Variants in MORN1 observed in about 807,000 individuals in gnomAD.
MORN1 encodes MORN repeat-containing protein 1.
In MORN1, 67 loss-of-function variants were observed where a neutral mutation model predicts 61.9. The observed-to-expected ratio is 1.08, with a 90% confidence interval of 0.89 to 1.33. MORN1 has a LOEUF of 1.33. Ranked by LOEUF, MORN1 falls within the 40% of genes most tolerant of loss-of-function variation. MORN1 has a pLI of 0.00. For synonymous variants in MORN1, 301 were observed against 292.0 expected (o/e 1.03, Z -0.31); for missense variants, 752 against 691.2 (o/e 1.09, Z -0.99).
At chr1:2,368,248 G>A (rs1489984789) in intron 8 of MORN1, among the ~76,000 whole-genome samples, 4 of 152,250 alleles carry the variant, frequency 2.6e-5, no homozygotes, top group Admixed American at 6.5e-5. Context: ...TCTTGGCTTT[G>A]GCCAGGGAAG....
intron 10 of MORN1, among the ~76,000 whole-genome samples, chr1:2,346,825 C>T (rs747936663): frequency 5.9e-5 from 9 of 152,328 alleles, no homozygotes; most frequent in East Asian, 3.9e-4. Flanking sequence ...AGGCTCCTGC[C>T]GGTCACCCCT....
chr1:2,366,555 G>C (rs10910059), intron 8 of MORN1, among the ~76,000 whole-genome samples: 48,055 of 151,894 alleles, frequency 0.32, 8,151 homozygotes, highest in South Asian at 0.45. Flanking sequence ...ACAGGATCTT[G>C]CTCTGTCACC....
Position 2,324,077 on chromosome 1 carries a change from C to T in MORN1, c.1297+20G>A, listed in dbSNP as rs1417100602. 1.3e-6 allele frequency: 2 copies of T among 1,589,852 alleles called. No homozygotes were observed. Among genetic ancestry groups the T allele is most frequent in the African/African-American group, 1.3e-5 (1 of 74,566 alleles). On this transcript the variant is annotated intron_variant, in intron 13 of 13. Coordinates refer to ENST00000378531, the MANE Select transcript of MORN1 (RefSeq NM_024848.3). ...AGACAGTGGCACAGCCGGCGATGGA[C>T]TTGGGCCCTGTCCACCTACCTAGGT...
rs372856785 is a variant in MORN1 at position 2,385,898 on chromosome 1, C to T, written c.359-1G>A. On this transcript the variant is annotated splice_acceptor_variant, in intron 4 of 13. Coordinates refer to ENST00000378531, the MANE Select transcript of MORN1 (RefSeq NM_024848.3). LOFTEE classifies it high-confidence loss of function. ...TCCCGGTCCACCAGAAACCCGTGTC[C>T]TGGAGAAGGGACCGAGAGACAGACT... 3.7e-6 allele frequency: 6 copies of T among 1,613,714 alleles called. No individual in the cohort carries two copies. Among genetic ancestry groups the T allele is most frequent in the Non-Finnish European group, 5.1e-6 (6 of 1,179,930 alleles).
chr1:2,321,292 G>A lies in MORN1; in HGVS notation c.*91C>T. 1.0e-6 allele frequency: 1 copy of A among 1,001,544 alleles called. No homozygotes were observed. Among genetic ancestry groups the A allele is most frequent in the Non-Finnish European group, 1.4e-6 (1 of 711,814 alleles). The allele number at this position is 1,001,544 out of a possible 1,614,324, so 62.0% of individuals were successfully genotyped here. On this transcript the variant is annotated 3_prime_UTR_variant, in exon 14 of 14. Coordinates refer to ENST00000378531, the MANE Select transcript of MORN1 (RefSeq NM_024848.3). ...CATTTTATTCAAGCCAGCAACCACGGGGCTCTGGAGAATCGGGGAGCAGAG... is the reference window on the plus strand; with the variant it reads ...CATTTTATTCAAGCCAGCAACCACGAGGCTCTGGAGAATCGGGGAGCAGAG...
intron 4 of MORN1, 21 bp downstream of exon 4, chr1:2,387,398 C>T (rs373991232): frequency 2.5e-5 from 39 of 1,586,216 alleles, no homozygotes; most frequent in African/African-American, 5.4e-5. Flanking sequence ...TCACAGCACC[C>T]GGCTCCTGTG....
rs1390371516 is a variant in MORN1 at position 2,357,446 on chromosome 1, G to A, written c.1022C>T (p.Pro341Leu). The A allele has an allele frequency of 6.2e-7, 1 of 1,607,972 alleles. No homozygotes were observed. ...LGALHGQEDT[P>L]GGLLARGHAP... ...GCTCCACTTACCAAGCAGGCCACCA[G>A]GGGTGTCCTCCTGGCCATGGAGGGC... Residue 341 changes from proline (P) to leucine (L), a missense_variant, in exon 10 of 14, where the codon CCT (proline) becomes CTT (leucine). Transcript: ENST00000378531. This position sits in a 1 kb window ranked among gnomAD's most constrained non-coding sequence, Gnocchi z 6.3.
rs983966329 is a variant in MORN1, at chr1:2,337,755, A to G, written c.1037-905T>C. Among the ~76,000 whole-genome samples the G allele has an allele frequency of 1.3e-5, 2 of 152,160 alleles. No homozygotes were observed. Among genetic ancestry groups the G allele is most frequent in the African/African-American group, 4.8e-5 (2 of 41,434 alleles). On this transcript the variant is annotated intron_variant, in intron 10 of 13. Coordinates refer to ENST00000378531, the MANE Select transcript of MORN1 (RefSeq NM_024848.3). The surrounding 1 kb of genome is among the most constrained non-coding windows in gnomAD (Gnocchi z 5.7). Reference sequence around the variant, plus strand: ...ACCACTGGGAGGAGGTGCTAGCAGGAGGCCACGGGATGTGGTGAGGGCTGG... The same window carrying G: ...ACCACTGGGAGGAGGTGCTAGCAGGGGGCCACGGGATGTGGTGAGGGCTGG...
At chr1:2,367,459 A>G (rs1185644219) in intron 8 of MORN1, among the ~76,000 whole-genome samples, 1 of 151,744 alleles carries the variant, frequency 6.6e-6, no homozygotes, top group Non-Finnish European at 1.5e-5. Flanking sequence ...GTCTCTACAA[A>G]AAAAAAAATT....
Position 2,357,307 on chromosome 1 carries a change from A to G in MORN1, c.1036+125T>C, listed in dbSNP as rs1048469952. On this transcript the variant is annotated intron_variant, in intron 10 of 13. Transcript: ENST00000378531. This position sits in a 1 kb window ranked among gnomAD's most constrained non-coding sequence, Gnocchi z 6.3. ...CCCTGCCTCCTTTCACCCACGCGTGATGACTGACCCTGGGTGCGGCTTGCT... is the reference window on the plus strand; with the variant it reads ...CCCTGCCTCCTTTCACCCACGCGTGGTGACTGACCCTGGGTGCGGCTTGCT... 5.6e-5 allele frequency: 59 copies of G among 1,062,136 alleles called. No individual in the cohort carries two copies. Among genetic ancestry groups the G allele is most frequent in the Non-Finnish European group, 7.5e-5 (56 of 743,008 alleles). The allele number at this position is 1,062,136 out of a possible 1,614,324, so 65.8% of individuals were successfully genotyped here.
chr1:2,323,509 T>C, intron 13 of MORN1: 6 of 985,362 alleles, frequency 6.1e-6, no homozygotes, highest in Non-Finnish European at 7.2e-6. Context: ...TTTGTGTAGC[T>C]GAGGTGCCCT....
chr1:2,339,149 C>T (rs890282754), intron 10 of MORN1, among the ~76,000 whole-genome samples: 2 of 152,102 alleles, frequency 1.3e-5, no homozygotes, highest in Admixed American at 6.5e-5. Flanking sequence ...GCGAGAGAAA[C>T]GAGAAATGGT....
Position 2,336,030 on chromosome 1 carries a change from G to C in MORN1, c.1250+439C>G, listed in dbSNP as rs141424068. Among the ~76,000 whole-genome samples, 1,012 of 152,224 alleles carry C rather than the reference G, an allele frequency of 6.6e-3. 13 individuals are homozygous for C. Among genetic ancestry groups the C allele is most frequent in the African/African-American group, 0.023 (957 of 41,520 alleles). On this transcript the variant is annotated intron_variant, in intron 12 of 13. Coordinates refer to ENST00000378531, the MANE Select transcript of MORN1 (RefSeq NM_024848.3). The stretch of plus-strand genomic sequence containing the variant: ...GTGACGGCCACAAACCCCCCACGGT[G>C]TCCCCGCCTGCACGTGCCGCGGTGT...
intron 10 of MORN1, chr1:2,351,703 G>C (rs1488432199): frequency 4.3e-6 from 2 of 464,812 alleles, no homozygotes; most frequent in East Asian, 1.1e-4. Context: ...GCATTCTTTA[G>C]TTTCATCTTT....
At position 2,351,726 on chromosome 1, in the gene MORN1, C is replaced by T. The variant is rs544946390; in HGVS notation, c.1036+5706G>A. Reference sequence around the variant, plus strand: ...TAGTTTCATCTTTCTGAACTCATCACAATCACAGGGGATCATATTCATATG... The same window carrying T: ...TAGTTTCATCTTTCTGAACTCATCATAATCACAGGGGATCATATTCATATG... On this transcript the variant is annotated intron_variant, in intron 10 of 13. Transcript: ENST00000378531. The T allele has an allele frequency of 1.0e-4, 52 of 518,572 alleles. 2 individuals carry two copies. Among genetic ancestry groups the T allele is most frequent in the South Asian group, 8.3e-4 (52 of 62,618 alleles). 32.1% of individuals were successfully genotyped at this position (518,572 alleles called of 1,614,324 possible).
chr1:2,349,316 A>AG (rs761412238), intron 10 of MORN1, among the ~76,000 whole-genome samples: 10 of 152,176 alleles, frequency 6.6e-5, no homozygotes, highest in Non-Finnish European at 1.2e-4. Flanking sequence ...ACCCCAAGGG[A>AG]GGGGTGCTCC....
In MORN1 at chr1:2,374,505, G is replaced by T; in HGVS notation, c.590C>A (p.Ser197Ter). 1 of 1,604,194 alleles carries T rather than the reference G, an allele frequency of 6.2e-7. No homozygotes were observed. Among genetic ancestry groups the T allele is most frequent in the East Asian group, 2.2e-5 (1 of 44,580 alleles). ...CCACAACCCATAATAGGTGACCCCT[G>T]AGCAGTGGGCCATGCTGCCCAGTCC... Reference protein sequence around the residue: ...FSGLGSMAHCSGVTYYGLWIN... With the variant: ...FSGLGSMAHC Residue 197 changes from serine (S) to a stop codon, truncating the protein, a stop_gained, in exon 7 of 14, where the codon TCA (serine) becomes TAA (stop). Coordinates refer to ENST00000378531, the MANE Select transcript of MORN1 (RefSeq NM_024848.3). LOFTEE classifies it high-confidence loss of function.
intron 6 of MORN1, among the ~76,000 whole-genome samples, chr1:2,383,597 C>A (rs942046898): frequency 6.6e-6 from 1 of 152,274 alleles, no homozygotes; most frequent in South Asian, 2.1e-4. Flanking sequence ...AGCCCCGAGG[C>A]TCTAAGGAAC....
chr1:2,321,849 G>A (rs1340467245), intron 13 of MORN1, among the ~76,000 whole-genome samples: 2 of 152,200 alleles, frequency 1.3e-5, no homozygotes, highest in Non-Finnish European at 2.9e-5. Flanking sequence ...CCCAGCTATG[G>A]CCTCCAGCTC....
Sources: allele counts gnomAD v4.1 joint callset (sites outside exome capture counted in the v4.1 genomes callset), GRCh38; gene constraint gnomAD v4.1.1; non-coding constraint Gnocchi (gnomAD v3.1); transcripts MANE v1.5; gene names NCBI Gene and HGNC (gene_info 2026-07-23, HGNC 2026-07-21).